The following CLIP2 variants were observed in gnomAD, a reference collection of about 807,000 sequenced individuals.
The protein encoded by CLIP2 is CAP-Gly domain containing linker protein 2.
CLIP2 carries 41 observed loss-of-function variants against 111.7 expected under a neutral mutation model. That is an observed-to-expected ratio of 0.37 (90% CI 0.29 to 0.48). CLIP2 has a LOEUF of 0.48. Ranked by LOEUF, CLIP2 falls within the 20% of genes least tolerant of loss-of-function variation. The probability of loss-of-function intolerance (pLI) is 0.99; values close to 1 mark genes in which losing one functional copy is unlikely to be tolerated. For missense variants in CLIP2, 1,160 were observed against 1,422.1 expected, an observed-to-expected ratio of 0.82 and a Z score of 2.96; for synonymous variants, 660 against 644.2, an observed-to-expected ratio of 1.02 and a Z score of -0.37.
At chr7:74,316,890 A>G (rs1788790714) in intron 1 of CLIP2, among the ~76,000 whole-genome samples, 1 of 151,744 alleles carries the variant, frequency 6.6e-6, no homozygotes, top group South Asian at 2.1e-4. Flanking sequence ...GACCATAGTC[A>G]GCATGCAGCT....
Position 74,400,402 on chromosome 7 carries a change from C to A in CLIP2, c.2913C>A (p.Arg971=). The A allele has an allele frequency of 6.2e-7, 1 of 1,613,186 alleles. No individual in the cohort carries two copies. Among genetic ancestry groups the A allele is most frequent in the Non-Finnish European group, 8.5e-7 (1 of 1,179,462 alleles). ...AGAAATCCCTGTCGGATCAGAGGCG[C>A]TACTCCCTCATCGACCGGTCCTCGG... ...DKEKSLSDQR[R]YSLIDRSSAP... is the part of the protein sequence containing the mutation. The change falls in exon 15 of 17, where the codon CGC becomes CGA. Residue 971 remains arginine (R), a synonymous_variant. Coordinates refer to ENST00000223398, the MANE Select transcript of CLIP2 (RefSeq NM_003388.5).
At chr7:74,384,597 C>T (rs186453907) in intron 11 of CLIP2, among the ~76,000 whole-genome samples, 9 of 151,708 alleles carry the variant, frequency 5.9e-5, no homozygotes, top group African/African-American at 1.9e-4. Flanking sequence ...AGGTGTGCGC[C>T]ATCACGCCTG....
intron 4 of CLIP2, 98 bp from the exon 5 acceptor site, chr7:74,356,312 C>T (rs1554308442): frequency 5.0e-6 from 5 of 1,009,950 alleles, no homozygotes; most frequent in African/African-American, 3.2e-5. Flanking sequence ...AGGTGTCTTT[C>T]TCTCTTTCTG....
intron 1 of CLIP2, among the ~76,000 whole-genome samples, chr7:74,314,880 A>T (rs1406474488): frequency 6.6e-6 from 1 of 151,792 alleles, no homozygotes; most frequent in African/African-American, 2.4e-5. Context: ...CTGCCCCCTG[A>T]CCCCCTAAAC....
chr7:74,374,339 C>T (rs1306206867), intron 9 of CLIP2, among the ~76,000 whole-genome samples: 1 of 152,182 alleles, frequency 6.6e-6, no homozygotes, highest in African/African-American at 2.4e-5. Context: ...GAAGACTGAA[C>T]GCACAAACTG....
intron 1 of CLIP2, among the ~76,000 whole-genome samples, chr7:74,314,960 A>G (rs1489715140): frequency 6.6e-6 from 1 of 152,170 alleles, no homozygotes; most frequent in African/African-American, 2.4e-5. Context: ...TGCTCCTATA[A>G]GCTCTTCTGT....
chr7:74,376,394 G>A lies in CLIP2; in HGVS notation c.1993G>A (p.Gly665Ser), dbSNP rs1790786570. The A allele has an allele frequency of 6.2e-7, 1 of 1,614,066 alleles. No homozygotes were observed. The highest frequency in any genetic ancestry group is 2.2e-5 in the East Asian group (1 of 44,860). The part of the protein sequence containing the change: ...GIKMEHQLEL[G>S]NLQAKHDLET... ...CAAGATGGAGCACCAGCTGGAGCTG[G>A]GTAACTTGCAGGCCAAGCATGACCT... Residue 665 changes from glycine to serine, a missense_variant, in exon 10 of 17, where the codon GGT (glycine) becomes AGT (serine). Gly to Ser is a moderately conservative substitution (Grantham distance 56). Coordinates refer to ENST00000223398, the MANE Select transcript of CLIP2 (RefSeq NM_003388.5). The surrounding 1 kb of genome is among the most constrained non-coding windows in gnomAD (Gnocchi z 7.1).
At position 74,307,786 on chromosome 7, in the gene CLIP2, C is replaced by T. The variant is rs539330174; in HGVS notation, c.-67-9694C>T. 3.3e-4 allele frequency among the ~76,000 whole-genome samples: 51 copies of T among 152,274 alleles called. No individual in the cohort carries two copies. The South Asian group carries it at 8.1e-3, about 24-fold the overall frequency. On this transcript the variant is annotated intron_variant, in intron 1 of 16. Coordinates refer to ENST00000223398, the MANE Select transcript of CLIP2 (RefSeq NM_003388.5). Reference sequence around the variant, plus strand: ...GATTACAGGCATGAGCCACCGTGCCCGGCAACAGTAGGTTCTTCATACTGG... The same window carrying T: ...GATTACAGGCATGAGCCACCGTGCCTGGCAACAGTAGGTTCTTCATACTGG...
intron 13 of CLIP2, among the ~76,000 whole-genome samples, chr7:74,393,171 G>T (rs1554316137): frequency 2.0e-5 from 3 of 151,730 alleles, no homozygotes; most frequent in Non-Finnish European, 4.4e-5. Flanking sequence ...GAGTAGCTGG[G>T]ATTACAGGCG....
At chr7:74,372,846 C>G in intron 8 of CLIP2, 86 bp from the exon 9 acceptor site, 1 of 725,540 alleles carries the variant, frequency 1.4e-6, no homozygotes, top group Non-Finnish European at 2.3e-6. Flanking sequence ...CTCTCTTTCT[C>G]TCTCTCTCCG....
chr7:74,371,154 G>T (rs1790604590), intron 8 of CLIP2, among the ~76,000 whole-genome samples: 1 of 146,486 alleles, frequency 6.8e-6, no homozygotes, highest in Admixed American at 7.2e-5. Flanking sequence ...TGAGGCTGGA[G>T]AATTGCTTGA....
chr7:74,374,544 A>C (rs1201331478), intron 9 of CLIP2, among the ~76,000 whole-genome samples: 1 of 152,124 alleles, frequency 6.6e-6, no homozygotes, highest in African/African-American at 2.4e-5. Context: ...AACATGGTGA[A>C]ACCCTGTCTC....
At chr7:74,339,583 G>C (rs559031911) in intron 3 of CLIP2, among the ~76,000 whole-genome samples, 2 of 152,282 alleles carry the variant, frequency 1.3e-5, no homozygotes, top group African/African-American at 4.8e-5. Flanking sequence ...TTGGATTACA[G>C]GTGTGAGCCC....
Position 74,356,400 on chromosome 7 carries a change from G to C in CLIP2, c.804-10G>C. Reference sequence around the variant, plus strand: ...CGTGACAGCAGCTTGGGTCTCTCCTGCTTCCACAGGTACTTCCAGTGCCCA... The same window carrying C: ...CGTGACAGCAGCTTGGGTCTCTCCTCCTTCCACAGGTACTTCCAGTGCCCA... On this transcript the variant is annotated splice_polypyrimidine_tract_variant and intron_variant, in intron 4 of 16. Transcript: ENST00000223398. 1 of 1,613,754 alleles carries C rather than the reference G, an allele frequency of 6.2e-7. No homozygotes were observed. Among genetic ancestry groups the C allele is most frequent in the Non-Finnish European group, 8.5e-7 (1 of 1,179,690 alleles).
At chr7:74,373,492 C>A (rs1357482569) in intron 9 of CLIP2, among the ~76,000 whole-genome samples, 1 of 151,834 alleles carries the variant, frequency 6.6e-6, no homozygotes, top group Non-Finnish European at 1.5e-5. Flanking sequence ...AGTGAGACTC[C>A]GCCTCAAAAA....
intron 1 of CLIP2, among the ~76,000 whole-genome samples, chr7:74,312,091 C>T (rs1554728605): frequency 2.6e-5 from 4 of 151,894 alleles, no homozygotes; most frequent in Non-Finnish European, 5.9e-5. Flanking sequence ...ACTAAAAATA[C>T]AAAAATTAGC....
At chr7:74,354,620 A>C (rs1322502380) in intron 4 of CLIP2, among the ~76,000 whole-genome samples, 3 of 151,804 alleles carry the variant, frequency 2.0e-5, no homozygotes, top group African/African-American at 7.3e-5. Context: ...GTCTCAAAAA[A>C]ATTAGCCAGG....
chr7:74,375,774 TG>T, intron 9 of CLIP2, 112 bp from the exon 10 acceptor site: 1 of 847,618 alleles, frequency 1.2e-6, no homozygotes, highest in Non-Finnish European at 1.8e-6. Context: ...CTCCACCTGC[TG>T]GGGCTGGTGC....
At chr7:74,387,810 G>A (rs1004690707) in intron 12 of CLIP2, among the ~76,000 whole-genome samples, 1 of 152,174 alleles carries the variant, frequency 6.6e-6, no homozygotes, top group African/African-American at 2.4e-5. Flanking sequence ...GCTTGGCGAG[G>A]ATTGATCTGT....
Sources: allele counts gnomAD v4.1 joint callset (sites outside exome capture counted in the v4.1 genomes callset), GRCh38; gene constraint gnomAD v4.1.1; non-coding constraint Gnocchi (gnomAD v3.1); transcripts MANE v1.5; gene names NCBI Gene and HGNC (gene_info 2026-07-23, HGNC 2026-07-21).